MGA: variants seen among roughly 807,000 people sequenced by gnomAD.
The protein encoded by MGA is MAX dimerization protein MGA.
Under a neutral mutation model 261.1 loss-of-function variants are expected in MGA, and 40 were observed. The ratio of observed to expected loss-of-function variants is 0.15; its 90% CI spans 0.12 to 0.20. The LOEUF is 0.20. MGA is among the 10% of genes least tolerant of loss of function. The probability of loss-of-function intolerance (pLI) is 1.00; values close to 1 mark genes in which losing one functional copy is unlikely to be tolerated. For synonymous variants in MGA, 1,302 were observed against 1,290.6 expected (o/e 1.01, Z -0.19); for missense variants, 3,397 against 3,630.5 (o/e 0.94, Z 1.65).
intron 1 of MGA, among the ~76,000 whole-genome samples, chr15:41,631,676 C>A (rs964553593): frequency 6.6e-6 from 1 of 151,720 alleles, no homozygotes; most frequent in African/African-American, 2.4e-5. Flanking sequence ...AGAAAGAGAA[C>A]CTGGAGAACA....
At chr15:41,679,486 G>A (rs879493766) in intron 2 of MGA, among the ~76,000 whole-genome samples, 14 of 151,830 alleles carry the variant, frequency 9.2e-5, no homozygotes, top group Admixed American at 7.2e-4. Flanking sequence ...ATGCTTTTAT[G>A]GTTTTCAATG....
chr15:41,764,945 G>A lies in MGA; in HGVS notation c.7804G>A (p.Gly2602Arg). The stretch of plus-strand genomic sequence containing the variant: ...TGCCAACCTTGTGATGACTCCGCAA[G>A]GGCAATTGCTCACCCTAAAAGGTCC... The change falls in exon 23 of 24, where the codon GGG becomes AGG. Residue 2602 changes from glycine to arginine, a missense_variant. By Grantham distance (125) the Gly-to-Arg change is moderately radical. Coordinates refer to ENST00000219905, the MANE Select transcript of MGA (RefSeq NM_001164273.2). 1 of 1,614,050 alleles carries A rather than the reference G, an allele frequency of 6.2e-7. No homozygotes were observed. Among genetic ancestry groups the A allele is most frequent in the Non-Finnish European group, 8.5e-7 (1 of 1,179,900 alleles).
chr15:41,638,032 CTTTTTTTTTTTT>C (rs56390631), intron 1 of MGA, among the ~76,000 whole-genome samples: 1 of 43,004 alleles, frequency 2.3e-5, no homozygotes, highest in African/African-American at 7.8e-5. Flanking sequence ...CTGTGCCCAG[CTTTTTTTTTTTT>C]TTTTTTTTTT....
intron 9 of MGA, among the ~76,000 whole-genome samples, chr15:41,720,002 A>G (rs886268803): frequency 6.6e-6 from 1 of 152,224 alleles, no homozygotes; most frequent in African/African-American, 2.4e-5. Context: ...GCTGCTTCTC[A>G]CTTTCATCTG....
intron 1 of MGA, among the ~76,000 whole-genome samples, chr15:41,630,250 T>G (rs2056559080): frequency 6.6e-6 from 1 of 152,194 alleles, no homozygotes; most frequent in South Asian, 2.1e-4. Flanking sequence ...ACCTTAAATT[T>G]GCTATGTAAT....
Position 41,645,238 on chromosome 15 carries a change from T to G in MGA, c.-67-23590T>G, listed in dbSNP as rs142096761. On this transcript the variant is annotated intron_variant, in intron 1 of 8. Transcript: ENST00000566718. ...AGACAGGTCCTGCCAATTACTCATA[T>G]CAATTCACAAGCATGTGTTTCTAAT... Among the ~76,000 whole-genome samples, 222 of 152,350 alleles carry G rather than the reference T, an allele frequency of 1.5e-3. 1 individual carries two copies. Among genetic ancestry groups the G allele is most frequent in the African/African-American group, 5.1e-3 (212 of 41,578 alleles).
At chr15:41,748,553 C>T in intron 15 of MGA, 84 bp from the exon 16 acceptor site, 1 of 1,440,186 alleles carries the variant, frequency 6.9e-7, no homozygotes, top group Non-Finnish European at 9.3e-7. Context: ...AAGACTGTGT[C>T]TTAAAAAATA....
At chr15:41,671,508 T>A (rs2058059546) in intron 2 of MGA, among the ~76,000 whole-genome samples, 1 of 152,002 alleles carries the variant, frequency 6.6e-6, no homozygotes, top group African/African-American at 2.4e-5. Context: ...ATATATTTTT[T>A]AGTAGAGATG....
intron 9 of MGA, among the ~76,000 whole-genome samples, chr15:41,714,120 A>T (rs1314331177): frequency 6.6e-6 from 1 of 152,162 alleles, no homozygotes; most frequent in Non-Finnish European, 1.5e-5. Flanking sequence ...TATAATTGAA[A>T]CAGGTTTCTT....
chr15:41,668,182 T>C (rs1019989378), intron 1 of MGA, among the ~76,000 whole-genome samples: 1 of 152,112 alleles, frequency 6.6e-6, no homozygotes, highest in Non-Finnish European at 1.5e-5. Flanking sequence ...AAAAAACTTT[T>C]CTCAGGATTT....
At chr15:41,666,968 A>T (rs751825928) in intron 1 of MGA, among the ~76,000 whole-genome samples, 5 of 152,224 alleles carry the variant, frequency 3.3e-5, no homozygotes, top group Non-Finnish European at 5.9e-5. Flanking sequence ...GATATTTTCA[A>T]GTTGCCCTCT....
chr15:41,712,479 A>G (rs1468702298), intron 8 of MGA, among the ~76,000 whole-genome samples: 1 of 152,112 alleles, frequency 6.6e-6, no homozygotes, highest in African/African-American at 2.4e-5. Flanking sequence ...CGGCCTCCCA[A>G]AGTGCTAGGA....
intron 22 of MGA, among the ~76,000 whole-genome samples, chr15:41,764,030 A>G (rs1596028214): frequency 2.0e-5 from 3 of 151,770 alleles, no homozygotes; most frequent in African/African-American, 7.2e-5. Flanking sequence ...GTGGTGGTGC[A>G]CACCTGTAGT....
At chr15:41,755,638 T>G (rs927875785) in intron 18 of MGA, among the ~76,000 whole-genome samples, 1 of 152,198 alleles carries the variant, frequency 6.6e-6, no homozygotes, top group Non-Finnish European at 1.5e-5. Context: ...TGGAGAGAGA[T>G]AACATGTTAA....
At position 41,753,375 on chromosome 15, in the gene MGA, C is replaced by T. The variant is rs189930732; in HGVS notation, c.7009-1062C>T. ...TTTACTATGTTTCTGGCATAGTAAA[C>T]ACTTTTTTTTTTTTTTTGAGGGGGC... On this transcript the variant is annotated intron_variant, in intron 17 of 23. Coordinates refer to ENST00000219905, the MANE Select transcript of MGA (RefSeq NM_001164273.2). Among the ~76,000 whole-genome samples the T allele has an allele frequency of 5.3e-3, 749 of 142,026 alleles. 3 individuals are homozygous for T. Among genetic ancestry groups the T allele is most frequent in the Non-Finnish European group, 8.9e-3 (567 of 63,706 alleles). The allele number at this position is 142,026 out of a possible 152,430, so 93.2% of individuals were successfully genotyped here.
rs528009988 is a variant in MGA, at chr15:41,727,212, C to G, written c.3463C>G (p.Arg1155Gly). The G allele has an allele frequency of 3.1e-6, 5 of 1,613,582 alleles. No homozygotes were observed. The highest frequency in any genetic ancestry group is 4.5e-5 in the East Asian group (2 of 44,870). The stretch of plus-strand genomic sequence containing the variant: ...TGAGACAGAGCCTGAACAGCCTGTT[C>G]GACATTACCCATTATGGGTAAAAGT... Residue 1155 changes from arginine to glycine, a missense_variant, in exon 10 of 24, where the codon CGA (arginine) becomes GGA (glycine). This residue lies in a region of MGA where 519 missense variants were observed against 554.1 expected (regional missense o/e 0.94). Transcript: ENST00000219905.
chr15:41,696,511 A>T lies in MGA; in HGVS notation c.1501A>T (p.Met501Leu), dbSNP rs199666635. 2 of 1,613,982 alleles carry T rather than the reference A, an allele frequency of 1.2e-6. No homozygotes were observed. Among genetic ancestry groups the T allele is most frequent in the Admixed American group, 3.3e-5 (2 of 60,028 alleles). Residue 501 changes from methionine to leucine, a missense_variant, in exon 3 of 24, where the codon ATG (methionine) becomes TTG (leucine). This residue lies in a region of MGA where 563 missense variants were observed against 563.6 expected (regional missense o/e 1.00). Coordinates refer to ENST00000219905, the MANE Select transcript of MGA (RefSeq NM_001164273.2). Reference sequence around the variant, plus strand: ...CACATCTCGAAAGGATAAATCTTCTATGTTGGCAGAATTGGAATATTTGCC... The same window carrying T: ...CACATCTCGAAAGGATAAATCTTCTTTGTTGGCAGAATTGGAATATTTGCC...
chr15:41,736,670 C>G lies in MGA; in HGVS notation c.4406C>G (p.Pro1469Arg). ...AAGCTTGTGGCCTATAAACGTAAACCCAGTTCAAGTACATCTGGGCTTATC... is the reference window on the plus strand; with the variant it reads ...AAGCTTGTGGCCTATAAACGTAAACGCAGTTCAAGTACATCTGGGCTTATC... Residue 1469 changes from proline (P) to arginine (R), a missense_variant, in exon 13 of 24, where the codon CCC (proline) becomes CGC (arginine). Coordinates refer to ENST00000219905, the MANE Select transcript of MGA (RefSeq NM_001164273.2). 6.2e-7 allele frequency: 1 copy of G among 1,612,354 alleles called. No individual in the cohort carries two copies. The highest frequency in any genetic ancestry group is 1.1e-5 in the South Asian group (1 of 90,822).
intron 1 of MGA, among the ~76,000 whole-genome samples, chr15:41,629,893 A>G (rs1244658679): frequency 6.6e-6 from 1 of 152,214 alleles, no homozygotes; most frequent in African/African-American, 2.4e-5. Flanking sequence ...AAATTGACTG[A>G]GCAACATGTA....
Sources: allele counts gnomAD v4.1 joint callset (sites outside exome capture counted in the v4.1 genomes callset), GRCh38; gene constraint gnomAD v4.1.1; regional missense constraint gnomAD v4.1.1; transcripts MANE v1.5; gene names NCBI Gene and HGNC (gene_info 2026-07-23, HGNC 2026-07-21).